CCNJL: variants seen among roughly 807,000 people sequenced by gnomAD.
CCNJL encodes cyclin J like.
A neutral mutation model predicts 33.4 loss-of-function variants in CCNJL; 33 were observed. That is an observed-to-expected ratio of 0.99 (90% CI 0.75 to 1.32). The LOEUF (loss-of-function observed/expected upper bound fraction) is 1.32, where lower values mean the gene tolerates loss of function less well. CCNJL is among the 40% of genes most tolerant of loss of function. The pLI is 0.00. For synonymous variants in CCNJL, 227 were observed against 220.9 expected (o/e 1.03, Z -0.24); for missense variants, 512 against 499.7 (o/e 1.02, Z -0.23).
intron 3 of CCNJL, among the ~76,000 whole-genome samples, chr5:160,262,266 G>A (rs373092111): frequency 8.5e-5 from 13 of 152,180 alleles, no homozygotes; most frequent in African/African-American, 2.7e-4. Context: ...ACTGGCAGAT[G>A]TGCTCAATCA....
chr5:160,301,469 T>C (rs1762919739), intron 2 of CCNJL, among the ~76,000 whole-genome samples: 2 of 151,890 alleles, frequency 1.3e-5, no homozygotes, highest in South Asian at 4.2e-4. Flanking sequence ...AGTCTCACTC[T>C]GTCACCCAGG....
At chr5:160,276,437 A>T (rs1047531966) in intron 3 of CCNJL, 4 of 152,200 alleles carry the variant, frequency 2.6e-5, no homozygotes, top group African/African-American at 9.7e-5. Flanking sequence ...AGAAAAAGAA[A>T]AAAAAAAGAA....
At position 160,253,386 on chromosome 5, in the gene CCNJL, C is replaced by CA. The variant is rs1296225689; in HGVS notation, c.1155dup (p.Asp386Ter). On this transcript the variant is annotated frameshift_variant, in exon 6 of 6. Coordinates refer to ENST00000257536, the MANE Select transcript of CCNJL (RefSeq NM_001308173.3). LOFTEE classifies it high-confidence loss of function. ...TGAGGTCTGGAGGTGGCCTATCTGT[C>CA]AAAGCAGCCGGTGGGGAACATGTGG... The CA allele has an allele frequency of 3.7e-5, 59 of 1,576,938 alleles. No individual in the cohort carries two copies. Among genetic ancestry groups the CA allele is most frequent in the Non-Finnish European group, 4.9e-5 (57 of 1,158,570 alleles).
At chr5:160,337,388 A>G (rs1221841492) in intron 1 of CCNJL, among the ~76,000 whole-genome samples, 7 of 152,130 alleles carry the variant, frequency 4.6e-5, no homozygotes, top group African/African-American at 1.7e-4. Flanking sequence ...ATTCTCAAAT[A>G]GTAGCTGGAG....
At chr5:160,269,151 TC>T (rs954079287) in intron 3 of CCNJL, among the ~76,000 whole-genome samples, 1 of 152,212 alleles carries the variant, frequency 6.6e-6, no homozygotes, top group African/African-American at 2.4e-5. Context: ...GCCAGCTGGG[TC>T]ACCCACGGGC....
At chr5:160,261,901 T>C (rs10214345) in intron 3 of CCNJL, among the ~76,000 whole-genome samples, 8,757 of 152,300 alleles carry the variant, frequency 0.057, 333 homozygotes, top group South Asian at 0.19. Flanking sequence ...AGCACATGCC[T>C]GGCACATAGT....
intron 2 of CCNJL, among the ~76,000 whole-genome samples, chr5:160,304,935 T>G (rs1763043469): frequency 6.6e-6 from 1 of 152,020 alleles, no homozygotes; most frequent in South Asian, 2.1e-4. Flanking sequence ...TGCCTCAGCT[T>G]CATGAGTAGC....
Position 160,295,348 on chromosome 5 carries a change from G to A in CCNJL, c.67-14610C>T, listed in dbSNP as rs111878614. ...ACTAAAAATACAAAAAATTAGCTGG[G>A]CATGGTGGTGCACACCCGTAGTCCC... On this transcript the variant is annotated intron_variant, in intron 2 of 5. Transcript: ENST00000257536. Among the ~76,000 whole-genome samples, 740 of 152,254 alleles carry A rather than the reference G, an allele frequency of 4.9e-3. 11 individuals are homozygous for A. The highest frequency in any genetic ancestry group is 0.017 in the African/African-American group (686 of 41,530).
intron 3 of CCNJL, among the ~76,000 whole-genome samples, chr5:160,268,579 G>A (rs946559422): frequency 2.6e-5 from 4 of 152,140 alleles, no homozygotes; most frequent in African/African-American, 9.7e-5. Flanking sequence ...AGAAAGCCAG[G>A]GACAAAGCAA....
chr5:160,285,932 T>G (rs1402657240), intron 2 of CCNJL, among the ~76,000 whole-genome samples: 2 of 152,210 alleles, frequency 1.3e-5, no homozygotes, highest in Non-Finnish European at 2.9e-5. Flanking sequence ...CGGCAGCTCC[T>G]CTCAACAGTG....
chr5:160,336,479 C>G (rs1763685224), intron 1 of CCNJL, among the ~76,000 whole-genome samples: 1 of 152,190 alleles, frequency 6.6e-6, no homozygotes, highest in Admixed American at 6.5e-5. Flanking sequence ...AGGCAAGGAA[C>G]AGAATCCAAC....
chr5:160,253,614 G>T lies in CCNJL; in HGVS notation c.928C>A (p.Arg310=). 6.2e-7 allele frequency: 1 copy of T among 1,613,528 alleles called. No individual in the cohort carries two copies. Among genetic ancestry groups the T allele is most frequent in the Non-Finnish European group, 8.5e-7 (1 of 1,179,758 alleles). ...GAACGGTGGGCCTGCAAGGAGTCCCGATAGGCCAAGCATAGGTCCTGCACG... is the reference window on the plus strand; with the variant it reads ...GAACGGTGGGCCTGCAAGGAGTCCCTATAGGCCAAGCATAGGTCCTGCACG... ...TPVQDLCLAY[R]DSLQAHRSGS... is the part of the protein sequence containing the mutation. Residue 310 remains arginine, a synonymous_variant, in exon 6 of 6, where the codon CGG becomes AGG. Coordinates refer to ENST00000257536, the MANE Select transcript of CCNJL (RefSeq NM_001308173.3).
At chr5:160,325,795 A>G (rs1763527072) in intron 1 of CCNJL, among the ~76,000 whole-genome samples, 1 of 152,160 alleles carries the variant, frequency 6.6e-6, no homozygotes, top group Non-Finnish European at 1.5e-5. Flanking sequence ...TACATCCTCA[A>G]AGACAGGTCA....
chr5:160,300,644 A>G (rs989162369), intron 2 of CCNJL, among the ~76,000 whole-genome samples: 1 of 151,456 alleles, frequency 6.6e-6, no homozygotes, highest in Admixed American at 6.6e-5. Flanking sequence ...AAGATTGGAC[A>G]CCCCCGCTCT....
Position 160,282,972 on chromosome 5 carries a change from T to TATATAC in CCNJL, c.67-2235_67-2234insGTATAT, listed in dbSNP as rs1554120718. Among the ~76,000 whole-genome samples the TATATAC allele has an allele frequency of 6.6e-3, 292 of 44,212 alleles. 7 individuals are homozygous for TATATAC. The highest frequency in any genetic ancestry group is 7.8e-3 in the Non-Finnish European group (215 of 27,728). The allele number at this position is 44,212 out of a possible 152,430, so 29.0% of individuals were successfully genotyped here. A position where few individuals can be genotyped will look rare whatever the true frequency, so the allele number is the denominator to read the frequency against. ...CAGCCATTCCAGTCCTTGGAATATA[T>TATATAC]ATATATATATATATATATATATATA... On this transcript the variant is annotated intron_variant, in intron 2 of 5. Coordinates refer to ENST00000257536, the MANE Select transcript of CCNJL (RefSeq NM_001308173.3).
rs189201099 is a variant in CCNJL at position 160,293,147 on chromosome 5, G to C, written c.67-12409C>G. On this transcript the variant is annotated intron_variant, in intron 2 of 5. Transcript: ENST00000257536. ...CAAAATAATGTTTTAGGCTGGGCAT[G>C]GTGGCTCACACCTGTAATCCCAGCA... 1.7e-3 allele frequency among the ~76,000 whole-genome samples: 254 copies of C among 152,330 alleles called. 1 individual carries two copies. Among genetic ancestry groups the C allele is most frequent in the African/African-American group, 5.0e-3 (206 of 41,564 alleles).
At chr5:160,292,415 A>T (rs1042213239) in intron 2 of CCNJL, among the ~76,000 whole-genome samples, 6 of 152,162 alleles carry the variant, frequency 3.9e-5, no homozygotes, top group African/African-American at 1.4e-4. Flanking sequence ...TGAGGCCAGG[A>T]GTTTGAGACC....
chr5:160,268,039 T>A (rs544162022), intron 3 of CCNJL, among the ~76,000 whole-genome samples: 2 of 152,356 alleles, frequency 1.3e-5, no homozygotes, highest in South Asian at 4.1e-4. Flanking sequence ...CTAAAGGTGC[T>A]CCCCAGCCTG....
chr5:160,258,631 T>C, intron 4 of CCNJL: 2 of 1,068,766 alleles, frequency 1.9e-6, no homozygotes, highest in Middle Eastern at 3.0e-4. Flanking sequence ...ACGAAGATGG[T>C]TAAACCTGAA....
Sources: allele counts gnomAD v4.1 joint callset (sites outside exome capture counted in the v4.1 genomes callset), GRCh38; gene constraint gnomAD v4.1.1; transcripts MANE v1.5; gene names NCBI Gene and HGNC (gene_info 2026-07-23, HGNC 2026-07-21).